Variants in GFM2 observed in about 807,000 individuals in gnomAD.
The protein encoded by GFM2 is ribosome-releasing factor 2, mitochondrial.
A neutral mutation model predicts 95.4 loss-of-function variants in GFM2; 72 were observed. The ratio of observed to expected loss-of-function variants is 0.76; its 90% CI spans 0.62 to 0.92. The LOEUF (loss-of-function observed/expected upper bound fraction) is 0.92. GFM2 is among the 40% of genes least tolerant of loss of function. The probability of loss-of-function intolerance (pLI) is 0.00; values close to 1 mark genes in which losing one functional copy is unlikely to be tolerated. For synonymous variants in GFM2, 276 were observed against 317.5 expected (o/e 0.87, Z 1.39); for missense variants, 825 against 924.1 (o/e 0.89, Z 1.39).
rs1742647708 is a variant in GFM2, at chr5:74,732,951, C to G, written c.1587+71G>C. The G allele has an allele frequency of 3.8e-6, 3 of 790,020 alleles. No individual in the cohort carries two copies. In the East Asian group the frequency reaches 7.6e-5, roughly 20 times the overall value. The allele number at this position is 790,020 out of a possible 1,614,324, so 48.9% of individuals were successfully genotyped here. ...AGACACACACACACACACACACACA[C>G]ACACACACACACACACACACACACA... On this transcript the variant is annotated intron_variant, in intron 16 of 20. Transcript: ENST00000296805.
chr5:74,747,519 A>G (rs929713005), intron 8 of GFM2, among the ~76,000 whole-genome samples, 173 bp downstream of exon 8: 2 of 152,198 alleles, frequency 1.3e-5, no homozygotes, highest in Non-Finnish European at 2.9e-5. Flanking sequence ...TATATAACCT[A>G]TGGATTAGCT....
rs1166306335 is a variant in GFM2, at chr5:74,764,520, G to T, written c.-24-754C>A. 2.0e-5 allele frequency among the ~76,000 whole-genome samples: 3 copies of T among 152,090 alleles called. No individual in the cohort carries two copies. The East Asian group carries it at 5.8e-4, about 29-fold the overall frequency. On this transcript the variant is annotated intron_variant, in intron 1 of 20. Coordinates refer to ENST00000296805, the MANE Select transcript of GFM2 (RefSeq NM_032380.5). Reference sequence around the variant, plus strand: ...TTTTTTATTTTTTTTTAGCTCATCAGCTATTGTTAGTTATCATTAGTGATT... The same window carrying T: ...TTTTTTATTTTTTTTTAGCTCATCATCTATTGTTAGTTATCATTAGTGATT...
chr5:74,756,375 A>C (rs1561260516), intron 5 of GFM2, among the ~76,000 whole-genome samples: 1 of 152,192 alleles, frequency 6.6e-6, no homozygotes, highest in Non-Finnish European at 1.5e-5. Context: ...CAATCAAAAA[A>C]TAACAGATGT....
At chr5:74,721,858 G>C in intron 20 of GFM2, 75 bp from the exon 21 acceptor site, 1 of 1,390,796 alleles carries the variant, frequency 7.2e-7, no homozygotes, top group Non-Finnish European at 9.8e-7. Context: ...ATTATCTTTT[G>C]ACTATTAGGG....
At chr5:74,728,388 GAAC>G (rs1296466101) in intron 17 of GFM2, among the ~76,000 whole-genome samples, 1 of 152,104 alleles carries the variant, frequency 6.6e-6, no homozygotes, top group Non-Finnish European at 1.5e-5. Context: ...AGTAAAAGTA[GAAC>G]ATCATAAAGG....
chr5:74,742,257 T>TAA (rs36116775), intron 10 of GFM2, among the ~76,000 whole-genome samples: 226 of 139,992 alleles, frequency 1.6e-3, no homozygotes, highest in Non-Finnish European at 1.8e-3. Context: ...TCAAACTTGG[T>TAA]AAAAAAAAAA....
rs145802268 is a variant in GFM2 at position 74,722,553 on chromosome 5, C to T, written c.2037G>A (p.Lys679=). 2.5e-6 allele frequency: 4 copies of T among 1,606,470 alleles called. No homozygotes were observed. The African/African-American group carries it at 4.0e-5, about 16-fold the overall frequency. ...GCTCCAAAACTTGCTTATCAGCTTT[C>T]TTCAGAGCCTAAAGAAATTAAAGAA... The part of the protein sequence containing the change: ...CVSRCVQKAL[K]KADKQVLEPL... Residue 679 remains lysine (K), a synonymous_variant, in exon 20 of 21, where the codon AAG becomes AAA. Transcript: ENST00000296805.
At chr5:74,743,466 T>C (rs1039720957) in intron 10 of GFM2, among the ~76,000 whole-genome samples, 3 of 152,216 alleles carry the variant, frequency 2.0e-5, no homozygotes, top group Non-Finnish European at 4.4e-5. Context: ...AGTCTTATTC[T>C]GTAAATTTTA....
chr5:74,765,114 G>A, intron 1 of GFM2: 1 of 1,249,624 alleles, frequency 8.0e-7, no homozygotes, highest in Non-Finnish European at 1.0e-6. Context: ...CATTGGTAAC[G>A]CCAAAGTTCA....
intron 16 of GFM2, 176 bp from the exon 17 acceptor site, chr5:74,730,574 A>G (rs187175923): frequency 2.4e-6 from 1 of 425,344 alleles, no homozygotes; most frequent in African/African-American, 2.0e-5. Context: ...TTCTGACTGG[A>G]ATAATGAATC....
intron 6 of GFM2, 145 bp from the exon 7 acceptor site, chr5:74,750,812 C>A: frequency 1.6e-6 from 1 of 614,586 alleles, no homozygotes; most frequent in Non-Finnish European, 2.9e-6. Context: ...AGTCTCAGAG[C>A]TATTTGCACA....
chr5:74,751,814 C>T (rs940448164), intron 5 of GFM2, among the ~76,000 whole-genome samples: 2 of 152,150 alleles, frequency 1.3e-5, no homozygotes, highest in Admixed American at 1.3e-4. Flanking sequence ...ATGTCCCTCC[C>T]TCCTGATCCC....
At chr5:74,752,041 C>T (rs1437185233) in intron 5 of GFM2, among the ~76,000 whole-genome samples, 1 of 152,070 alleles carries the variant, frequency 6.6e-6, no homozygotes, top group Non-Finnish European at 1.5e-5. Flanking sequence ...ATGATAGCCA[C>T]ACGGAATGAG....
chr5:74,721,623 G>A lies in GFM2; in HGVS notation c.*32C>T, dbSNP rs1322938434. On this transcript the variant is annotated 3_prime_UTR_variant, in exon 21 of 21. Transcript: ENST00000296805. The stretch of plus-strand genomic sequence containing the variant: ...CTTACTGAAAATGAAGTAGCTAGGT[G>A]CTCCTGAATTTCTCTCCAAAAACTA... 2 of 1,599,244 alleles carry A rather than the reference G, an allele frequency of 1.3e-6. No individual in the cohort carries two copies. The highest frequency in any genetic ancestry group is 1.7e-5 in the Admixed American group (1 of 57,234).
At position 74,721,754 on chromosome 5, in the gene GFM2, T is replaced by C. The variant is rs1454582140; in HGVS notation, c.2241A>G (p.Thr747=). The C allele has an allele frequency of 1.2e-6, 2 of 1,613,410 alleles. No homozygotes were observed. Among genetic ancestry groups the C allele is most frequent in the Non-Finnish European group, 1.7e-6 (2 of 1,179,706 alleles). Residue 747 remains threonine, a synonymous_variant, in exon 21 of 21, where the codon ACA becomes ACG. Transcript: ENST00000296805. ...CTAAGGCAAAAGTAGCTGAGCCTGA[T>C]GTTAGCGTTCGAAGCACAGTTGAAT... is the stretch of plus-strand genomic sequence containing the variant. ...MGYSTVLRTL[T]SGSATFALEL...
intron 20 of GFM2, 84 bp from the exon 21 acceptor site, chr5:74,721,867 G>T: frequency 1.5e-6 from 2 of 1,349,054 alleles, no homozygotes; most frequent in Non-Finnish European, 1.0e-6. Context: ...TGACTATTAG[G>T]GAAAAGTGAT....
At chr5:74,762,190 A>T (rs1302272409) in intron 2 of GFM2, among the ~76,000 whole-genome samples, 1 of 152,186 alleles carries the variant, frequency 6.6e-6, no homozygotes, top group African/African-American at 2.4e-5. Flanking sequence ...CTTAGCAACA[A>T]CAACAAAAAA....
chr5:74,758,575 G>A (rs1262943148), intron 5 of GFM2, among the ~76,000 whole-genome samples: 2 of 152,204 alleles, frequency 1.3e-5, no homozygotes, highest in Non-Finnish European at 2.9e-5. Flanking sequence ...AACACCTAAT[G>A]CTGGTCTGTT....
At chr5:74,729,846 T>C (rs1360923953) in intron 17 of GFM2, among the ~76,000 whole-genome samples, 2 of 152,188 alleles carry the variant, frequency 1.3e-5, no homozygotes, top group Non-Finnish European at 2.9e-5. Context: ...ATAAAAACTA[T>C]AGTTTCTCAA....
Sources: gnomAD v4.1 joint callset for allele counts (sites outside exome capture counted in the v4.1 genomes callset) on GRCh38, gnomAD v4.1.1 for gene constraint, MANE v1.5 for transcripts, NCBI Gene and HGNC (gene_info 2026-07-23, HGNC 2026-07-21) for gene names.